SP100: variants seen among roughly 807,000 people sequenced by gnomAD.
SP100 encodes SP100 nuclear body protein, also known as nuclear autoantigen Sp-100.
In SP100, 84 loss-of-function variants were observed where a neutral mutation model predicts 130.0. The observed-to-expected ratio is 0.65, with a 90% CI of 0.54 to 0.77. The LOEUF (loss-of-function observed/expected upper bound fraction) is 0.77. Ranked by LOEUF, SP100 falls within the 30% of genes least tolerant of loss-of-function variation. The pLI is 0.00. For missense variants in SP100, 978 were observed against 1,052.2 expected (o/e 0.93, Z 0.97); for synonymous variants, 331 against 351.7 (o/e 0.94, Z 0.66).
intron 10 of SP100, 93 bp downstream of exon 10, chr2:230,462,611 A>G (rs1170180327): frequency 2.2e-6 from 2 of 920,668 alleles, no homozygotes; most frequent in Non-Finnish European, 3.6e-6. Flanking sequence ...CTCATTCTGT[A>G]CAATGGATCC....
chr2:230,494,475 G>T lies in SP100; in HGVS notation c.1645+15G>T. ...TCTCCAAAGAGGTAAGAAGAAATGT[G>T]GGGATTTACTCCTTTGAACTCGCTG... On this transcript the variant is annotated intron_variant, in intron 18 of 28. Coordinates refer to ENST00000340126, the MANE Select transcript of SP100 (RefSeq NM_001080391.2). 1 of 1,593,370 alleles carries T rather than the reference G, an allele frequency of 6.3e-7. No homozygotes were observed.
At chr2:230,456,824 G>A (rs1203307160) in intron 8 of SP100, among the ~76,000 whole-genome samples, 1 of 152,032 alleles carries the variant, frequency 6.6e-6, no homozygotes, top group Non-Finnish European at 1.5e-5. Flanking sequence ...CCTAATTTTA[G>A]TGAATTGTTT....
chr2:230,475,978 C>G (rs1457822214), intron 17 of SP100, among the ~76,000 whole-genome samples: 1 of 152,158 alleles, frequency 6.6e-6, no homozygotes, highest in Non-Finnish European at 1.5e-5. Flanking sequence ...CGCGATGCCT[C>G]TAGCTTTGTT....
chr2:230,446,108 TTTTA>T (rs1344171133), intron 4 of SP100, among the ~76,000 whole-genome samples: 5 of 152,220 alleles, frequency 3.3e-5, no homozygotes, highest in Admixed American at 6.5e-5. Flanking sequence ...CTCATTTATT[TTTTA>T]TTTATTTATG....
At chr2:230,489,260 GT>G (rs1417097906) in intron 17 of SP100, among the ~76,000 whole-genome samples, 1 of 152,136 alleles carries the variant, frequency 6.6e-6, no homozygotes, top group Non-Finnish European at 1.5e-5. Context: ...GAGGGTGTAT[GT>G]TTCCAGGAAT....
At chr2:230,503,236 C>T in intron 20 of SP100, 126 bp downstream of exon 20, 1 of 578,212 alleles carries the variant, frequency 1.7e-6, no homozygotes, top group South Asian at 3.0e-5. Flanking sequence ...TAACGTTGAC[C>T]AGCAGTTCAT....
intron 1 of SP100, 37 bp from the exon 2 acceptor site, chr2:230,417,554 C>T (rs1371873069): frequency 6.3e-7 from 1 of 1,599,058 alleles, no homozygotes; most frequent in Non-Finnish European, 8.5e-7. Flanking sequence ...GCAAAGGGTC[C>T]AGTTATTTAC....
At chr2:230,477,462 T>C in intron 17 of SP100, among the ~76,000 whole-genome samples, 1 of 152,148 alleles carries the variant, frequency 6.6e-6, no homozygotes, top group East Asian at 1.9e-4. Context: ...AAGTTTGATA[T>C]AACTGATCAT....
intron 15 of SP100, 77 bp downstream of exon 15, chr2:230,470,175 C>T: frequency 6.5e-7 from 1 of 1,530,324 alleles, no homozygotes; most frequent in Non-Finnish European, 8.8e-7. Flanking sequence ...TTTCCAGACG[C>T]TTTTTATTCT....
chr2:230,418,207 T>C (rs915917531), intron 2 of SP100, among the ~76,000 whole-genome samples: 1 of 152,240 alleles, frequency 6.6e-6, no homozygotes. Context: ...TCTTTCACTT[T>C]GTGTTCATAA....
intron 24 of SP100, among the ~76,000 whole-genome samples, chr2:230,530,691 G>T (rs1199163550): frequency 6.6e-6 from 1 of 152,122 alleles, no homozygotes; most frequent in Admixed American, 6.6e-5. Context: ...CTGAGAAAGG[G>T]CTAATATCAA....
intron 8 of SP100, among the ~76,000 whole-genome samples, chr2:230,458,852 A>G (rs973317154): frequency 6.6e-6 from 1 of 152,252 alleles, no homozygotes; most frequent in Admixed American, 6.5e-5. Context: ...AAAGTGACAT[A>G]GAAGAAGCTT....
chr2:230,427,362 A>G (rs547282005), intron 2 of SP100, among the ~76,000 whole-genome samples: 1 of 152,132 alleles, frequency 6.6e-6, no homozygotes, highest in Non-Finnish European at 1.5e-5. Flanking sequence ...GGGTTTCACT[A>G]TGTTGGCCAG....
intron 17 of SP100, among the ~76,000 whole-genome samples, chr2:230,477,989 A>G (rs1369538611): frequency 6.6e-6 from 1 of 152,040 alleles, no homozygotes; most frequent in Admixed American, 6.5e-5. Flanking sequence ...TTTGGGAAGA[A>G]CAGAGACTTT....
At position 230,504,278 on chromosome 2, in the gene SP100, C is replaced by T; in HGVS notation, c.1858C>T (p.Arg620Ter). ...GEVKGTLYKE[R>*]FKQGTSKKCI... ...GGTGAAGGGCACTCTATATAAGGAG[C>T]GATTCAAACAAGGTGAGTTTACTGG... Residue 620 changes from arginine (R) to a stop codon, truncating the protein, a stop_gained, in exon 21 of 29, where the codon CGA (arginine) becomes TGA (stop). Transcript: ENST00000340126. LOFTEE classifies it high-confidence loss of function. 6 of 1,592,322 alleles carry T rather than the reference C, an allele frequency of 3.8e-6. No individual in the cohort carries two copies. Among genetic ancestry groups the T allele is most frequent in the Non-Finnish European group, 5.2e-6 (6 of 1,162,028 alleles).
intron 24 of SP100, among the ~76,000 whole-genome samples, chr2:230,511,439 A>T (rs1325326287): frequency 6.6e-6 from 1 of 152,194 alleles, no homozygotes; most frequent in East Asian, 1.9e-4. Context: ...GCCTCCAGAG[A>T]CAAGAACTTG....
intron 15 of SP100, among the ~76,000 whole-genome samples, chr2:230,470,833 C>G (rs2065229494): frequency 6.6e-6 from 1 of 152,070 alleles, no homozygotes; most frequent in African/African-American, 2.4e-5. Context: ...GCGCAAGGAA[C>G]TCAGAATATT....
At chr2:230,494,578 C>A in intron 18 of SP100, 118 bp downstream of exon 18, 1 of 736,898 alleles carries the variant, frequency 1.4e-6, no homozygotes. Context: ...CTTCAGACCT[C>A]ATGGATTCTT....
intron 15 of SP100, among the ~76,000 whole-genome samples, chr2:230,472,675 G>A (rs1465020475): frequency 6.6e-6 from 1 of 152,124 alleles, no homozygotes; most frequent in Non-Finnish European, 1.5e-5. Context: ...GAGGCAAGAA[G>A]GGGGAAGTGT....
Sources: gnomAD v4.1 joint callset for allele counts (sites outside exome capture counted in the v4.1 genomes callset) on GRCh38, gnomAD v4.1.1 for gene constraint, MANE v1.5 for transcripts, NCBI Gene and HGNC (gene_info 2026-07-23, HGNC 2026-07-21) for gene names.